The following DLG2 variants were observed in gnomAD, a reference collection of about 807,000 sequenced individuals.
The protein encoded by DLG2 is disks large homolog 2.
DLG2 carries 45 observed loss-of-function variants against 132.5 expected under a neutral mutation model. The ratio of observed to expected loss-of-function variants is 0.34; its 90% CI spans 0.27 to 0.44. The LOEUF (loss-of-function observed/expected upper bound fraction) is 0.44, where lower values mean the gene tolerates loss of function less well. DLG2 is among the 20% of genes least tolerant of loss of function. The pLI, the probability that DLG2 is intolerant of heterozygous loss-of-function variation, is 1.00. For missense variants in DLG2, 1,045 were observed against 1,196.9 expected (o/e 0.87, Z 1.87); for synonymous variants, 424 against 419.6 (o/e 1.01, Z -0.13).
intron 6 of DLG2, among the ~76,000 whole-genome samples, chr11:85,000,778 T>C (rs1011918806): frequency 2.5e-4 from 38 of 152,290 alleles, no homozygotes; most frequent in African/African-American, 8.9e-4. Flanking sequence ...AGCAAGGGCA[T>C]TGCTTCACCA....
At chr11:84,535,045 A>C (rs1051511685) in intron 6 of DLG2, among the ~76,000 whole-genome samples, 1 of 152,236 alleles carries the variant, frequency 6.6e-6, no homozygotes, top group Non-Finnish European at 1.5e-5. Flanking sequence ...GTAAGTGAGG[A>C]GGTAACCCTC....
At position 84,011,260 on chromosome 11, in the gene DLG2, C is replaced by T. The variant is rs147915179; in HGVS notation, c.920-30618G>A. ...CTGAAGTAGGAGGATTACTTGAGCC[C>T]AAGAGTTTAGACCAGCCTGGGCAAA... On this transcript the variant is annotated intron_variant, in intron 11 of 27. Coordinates refer to ENST00000376104, the MANE Select transcript of DLG2 (RefSeq NM_001142699.3). 5.3e-5 allele frequency among the ~76,000 whole-genome samples: 8 copies of T among 151,872 alleles called. No individual in the cohort carries two copies. The East Asian group carries it at 1.6e-3, about 30-fold the overall frequency.
intron 6 of DLG2, among the ~76,000 whole-genome samples, chr11:84,694,867 G>T (rs1239073873): frequency 6.6e-6 from 1 of 151,504 alleles, no homozygotes; most frequent in Middle Eastern, 3.2e-3. Context: ...GATGGATTTA[G>T]CTATTGTTAA....
At chr11:85,341,539 A>G (rs950262507) in intron 3 of DLG2, among the ~76,000 whole-genome samples, 1 of 152,216 alleles carries the variant, frequency 6.6e-6, no homozygotes, top group African/African-American at 2.4e-5. Context: ...TGATTAATCT[A>G]GTACAATGCT....
intron 6 of DLG2, among the ~76,000 whole-genome samples, chr11:84,784,021 G>C (rs369347133): frequency 6.6e-6 from 1 of 151,368 alleles, no homozygotes; most frequent in South Asian, 2.1e-4. Context: ...GTATAGGCTG[G>C]GCACAGTGGC....
At chr11:85,611,920 C>A (rs117755968) in intron 2 of DLG2, among the ~76,000 whole-genome samples, 5,958 of 147,658 alleles carry the variant, frequency 0.04, 170 homozygotes, top group East Asian at 0.088. Context: ...GAAAGACCAG[C>A]AGAGAGAGAG....
intron 3 of DLG2, among the ~76,000 whole-genome samples, chr11:85,341,459 G>C (rs1280281016): frequency 6.6e-6 from 1 of 152,160 alleles, no homozygotes; most frequent in African/African-American, 2.4e-5. Context: ...TCATCTGCGA[G>C]TAAAGACAGT....
chr11:83,506,053 G>A (rs920002326), intron 21 of DLG2, among the ~76,000 whole-genome samples: 1 of 152,144 alleles, frequency 6.6e-6, no homozygotes, highest in Admixed American at 6.6e-5. Context: ...CTGATGGAAT[G>A]CTGCTGTGCA....
intron 3 of DLG2, among the ~76,000 whole-genome samples, chr11:85,510,527 A>G (rs914514600): frequency 2.6e-5 from 4 of 152,136 alleles, no homozygotes; most frequent in Admixed American, 6.6e-5. Flanking sequence ...TTTACAAGAA[A>G]AAAAAACAAA....
chr11:84,502,251 C>CTTCCTTCCTTCTTTCT (rs2099214336), intron 7 of DLG2, among the ~76,000 whole-genome samples: 1 of 35,576 alleles, frequency 2.8e-5, no homozygotes, highest in South Asian at 1.5e-3. Context: ...TCCTTCCTTC[C>CTTCCTTCCTTCTTTCT]TTCCTTCCTT....
At chr11:84,069,216 C>A (rs1365744088) in intron 10 of DLG2, among the ~76,000 whole-genome samples, 1 of 152,194 alleles carries the variant, frequency 6.6e-6, no homozygotes, top group East Asian at 1.9e-4. Context: ...CTCCAAAAAC[C>A]ACTGCTCTAG....
At chr11:84,819,106 C>CA (rs1555237931) in intron 6 of DLG2, among the ~76,000 whole-genome samples, 3 of 150,562 alleles carry the variant, frequency 2.0e-5, no homozygotes, top group Non-Finnish European at 3.0e-5. Flanking sequence ...CACACACACA[C>CA]AATTTCGTTT....
intron 4 of DLG2, among the ~76,000 whole-genome samples, chr11:85,240,093 CT>C (rs1174348833): frequency 6.6e-6 from 1 of 151,876 alleles, no homozygotes; most frequent in African/African-American, 2.4e-5. Context: ...ATCTAGAAGA[CT>C]ATAAAGTGGC....
intron 6 of DLG2, among the ~76,000 whole-genome samples, chr11:84,819,853 C>A (rs945934927): frequency 1.3e-5 from 2 of 151,676 alleles, no homozygotes; most frequent in Non-Finnish European, 2.9e-5. Context: ...GAGGAGAAAC[C>A]TGAACAGAGC....
chr11:84,265,735 A>C lies in DLG2; in HGVS notation c.520-14444T>G, dbSNP rs559860810. On this transcript the variant is annotated intron_variant, in intron 7 of 27. Coordinates refer to ENST00000376104, the MANE Select transcript of DLG2 (RefSeq NM_001142699.3). Reference sequence around the variant, plus strand: ...TAGAGGTAGTCTTAGCAGCAGCAGCAGCAAGAGTAAAAACATTGGTGTAAT... The same window carrying C: ...TAGAGGTAGTCTTAGCAGCAGCAGCCGCAAGAGTAAAAACATTGGTGTAAT... 2.4e-3 allele frequency among the ~76,000 whole-genome samples: 371 copies of C among 152,328 alleles called. 3 individuals carry two copies. Among genetic ancestry groups the C allele is most frequent in the African/African-American group, 8.0e-3 (331 of 41,578 alleles).
chr11:84,207,582 A>C (rs1490110729), intron 8 of DLG2, among the ~76,000 whole-genome samples: 2 of 152,190 alleles, frequency 1.3e-5, no homozygotes, highest in Non-Finnish European at 2.9e-5. Flanking sequence ...TTACCTGGAT[A>C]TCTATTGGAA....
rs180961161 is a variant in DLG2 at position 85,561,686 on chromosome 11, G to A, written c.40+36971C>T. ...CAAGCATGGTTCTATAGAGATATAA[G>A]ACATTGTATACTAACTTCATTATGC... On this transcript the variant is annotated intron_variant, in intron 3 of 27. Coordinates refer to ENST00000376104, the MANE Select transcript of DLG2 (RefSeq NM_001142699.3). Among the ~76,000 whole-genome samples the A allele has an allele frequency of 2.2e-3, 334 of 151,812 alleles. 4 individuals carry two copies. Among genetic ancestry groups the A allele is most frequent in the Non-Finnish European group, 3.8e-3 (260 of 67,842 alleles).
chr11:85,521,225 T>C (rs1328079920), intron 3 of DLG2, among the ~76,000 whole-genome samples: 1 of 152,170 alleles, frequency 6.6e-6, no homozygotes, highest in Non-Finnish European at 1.5e-5. Flanking sequence ...TTGGAATGAT[T>C]CCCCCATGCT....
At chr11:83,698,207 C>T (rs569330633) in intron 18 of DLG2, among the ~76,000 whole-genome samples, 1 of 152,322 alleles carries the variant, frequency 6.6e-6, no homozygotes, top group African/African-American at 2.4e-5. Context: ...GTGACTATTA[C>T]TATTATAATT....
Sources: gnomAD v4.1 joint callset for allele counts (sites outside exome capture counted in the v4.1 genomes callset) on GRCh38, gnomAD v4.1.1 for gene constraint, MANE v1.5 for transcripts, NCBI Gene and HGNC (gene_info 2026-07-23, HGNC 2026-07-21) for gene names.